SLC39A11: variants seen among roughly 807,000 people sequenced by gnomAD.
SLC39A11 encodes zinc transporter ZIP11.
A neutral mutation model predicts 36.1 loss-of-function variants in SLC39A11; 33 were observed. The ratio of observed to expected loss-of-function variants is 0.91; its 90% confidence interval spans 0.69 to 1.22. SLC39A11 has a LOEUF of 1.22. Ranked by LOEUF, SLC39A11 falls within the 50% of genes most tolerant of loss-of-function variation. The pLI is 0.00. For synonymous variants in SLC39A11, 166 were observed against 170.3 expected, an observed-to-expected ratio of 0.97 and a Z score of 0.20; for missense variants, 432 against 430.3, an observed-to-expected ratio of 1.00 and a Z score of -0.03.
chr17:73,051,450 C>T (rs1357225229), intron 3 of SLC39A11, among the ~76,000 whole-genome samples: 1 of 151,952 alleles, frequency 6.6e-6, no homozygotes, highest in East Asian at 1.9e-4. Flanking sequence ...ATCCAGATGA[C>T]TCAGGTTTGG....
rs73354784 is a variant in SLC39A11 at position 72,808,890 on chromosome 17, A to G, written c.601+40744T>C. Among the ~76,000 whole-genome samples the G allele has an allele frequency of 8.3e-3, 1,262 of 152,250 alleles. 21 individuals are homozygous for G. The highest frequency in any genetic ancestry group is 0.029 in the African/African-American group (1,213 of 41,540). On this transcript the variant is annotated intron_variant, in intron 6 of 9. Transcript: ENST00000255559. ...CATGCATTCCCAAGCCCCCTGCCCA[A>G]CAAATTATCCATAAAAATCCTAGCC...
At chr17:73,032,150 C>G (rs2058757764) in intron 3 of SLC39A11, among the ~76,000 whole-genome samples, 1 of 151,668 alleles carries the variant, frequency 6.6e-6, no homozygotes, top group Non-Finnish European at 1.5e-5. Context: ...ACACCCCTGA[C>G]AACAAAGAAT....
At chr17:72,795,934 G>A (rs905729499) in intron 6 of SLC39A11, among the ~76,000 whole-genome samples, 1 of 152,102 alleles carries the variant, frequency 6.6e-6, no homozygotes, top group African/African-American at 2.4e-5. Context: ...ATAAGCAAAT[G>A]AGCAAATAAC....
chr17:72,752,811 A>G (rs1190114964), intron 6 of SLC39A11, among the ~76,000 whole-genome samples: 1 of 152,090 alleles, frequency 6.6e-6, no homozygotes, highest in African/African-American at 2.4e-5. Context: ...TCTCTCTGGA[A>G]GCTCTCAACA....
chr17:72,737,885 C>CAA (rs2074500318), intron 6 of SLC39A11, among the ~76,000 whole-genome samples: 1 of 152,116 alleles, frequency 6.6e-6, no homozygotes, highest in African/African-American at 2.4e-5. Flanking sequence ...GGGAAAGAGT[C>CAA]TACCCTGCCC....
rs146268863 is a variant in SLC39A11 at position 73,033,156 on chromosome 17, G to A, written c.148-1442C>T. On this transcript the variant is annotated intron_variant, in intron 3 of 9. Transcript: ENST00000255559. ...CACGTTCCTATGAGAATCTAATGTC[G>A]CCACTGGTCTGACAGGAGGCGGAGC... is the stretch of plus-strand genomic sequence containing the variant. 2.9e-3 allele frequency among the ~76,000 whole-genome samples: 444 copies of A among 152,276 alleles called. 3 individuals carry two copies. The highest frequency in any genetic ancestry group is 0.01 in the African/African-American group (421 of 41,578).
At chr17:73,073,603 G>A (rs2060230334) in intron 3 of SLC39A11, 1 of 152,154 alleles carries the variant, frequency 6.6e-6, no homozygotes, top group Non-Finnish European at 1.5e-5. Context: ...ATAGAACCTT[G>A]GAGGCCCTGG....
intron 5 of SLC39A11, among the ~76,000 whole-genome samples, chr17:72,912,537 T>A (rs1224407402): frequency 2.0e-5 from 3 of 148,654 alleles, no homozygotes; most frequent in African/African-American, 7.5e-5. Flanking sequence ...TGGGCTCAAG[T>A]GATTTTCCCA....
intron 7 of SLC39A11, among the ~76,000 whole-genome samples, chr17:72,660,114 C>G: frequency 6.6e-6 from 1 of 152,112 alleles, no homozygotes; most frequent in Non-Finnish European, 1.5e-5. Context: ...CCACTCAAAC[C>G]TCAATGTCTC....
chr17:73,026,874 G>C (rs8074504), intron 4 of SLC39A11, among the ~76,000 whole-genome samples: 2 of 151,888 alleles, frequency 1.3e-5, no homozygotes, highest in African/African-American at 2.4e-5. Context: ...ACACTGAAGA[G>C]GGGGAGGCCA....
chr17:72,723,740 C>T (rs2143643833), intron 7 of SLC39A11, among the ~76,000 whole-genome samples: 1 of 152,314 alleles, frequency 6.6e-6, no homozygotes, highest in East Asian at 1.9e-4. Flanking sequence ...AAGATGGAAC[C>T]TTGTGGGCAA....
chr17:73,075,724 G>A (rs1045011190), intron 3 of SLC39A11, among the ~76,000 whole-genome samples: 6 of 152,228 alleles, frequency 3.9e-5, no homozygotes, highest in African/African-American at 1.4e-4. Flanking sequence ...GTGGTGGTGG[G>A]TGCCTGTAAT....
chr17:73,051,445 G>T (rs1360593716), intron 3 of SLC39A11, among the ~76,000 whole-genome samples: 2 of 152,172 alleles, frequency 1.3e-5, no homozygotes, highest in Middle Eastern at 3.4e-3. Context: ...CAGGAATCCA[G>T]ATGACTCAGG....
intron 4 of SLC39A11, among the ~76,000 whole-genome samples, chr17:72,956,456 G>A (rs569484825): frequency 2.6e-5 from 4 of 152,298 alleles, no homozygotes; most frequent in African/African-American, 7.2e-5. Flanking sequence ...CTACTAGCAC[G>A]GCTGACAGAG....
Position 73,020,205 on chromosome 17 carries a change from A to T in SLC39A11, c.306+11351T>A, listed in dbSNP as rs78966886. On this transcript the variant is annotated intron_variant, in intron 4 of 9. Transcript: ENST00000255559. ...GAATATTTGTGTCCCCTCGAAAAAA[A>T]TTCATTTGTTGGAGCACTAGCCCCA... Among the ~76,000 whole-genome samples, 236 of 152,302 alleles carry T rather than the reference A, an allele frequency of 1.5e-3. 1 individual carries two copies. The highest frequency in any genetic ancestry group is 3.4e-3 in the Middle Eastern group (1 of 294).
chr17:73,058,939 G>A (rs184991229), intron 3 of SLC39A11, among the ~76,000 whole-genome samples: 273 of 151,890 alleles, frequency 1.8e-3, no homozygotes, highest in Non-Finnish European at 2.9e-3. Context: ...TGTTTAGTGA[G>A]CAATTAAATA....
Position 73,074,963 on chromosome 17 carries a change from G to T in SLC39A11, c.147+9845C>A, listed in dbSNP as rs1414628175. Among the ~76,000 whole-genome samples, 5 of 152,144 alleles carry T rather than the reference G, an allele frequency of 3.3e-5. No homozygotes were observed. In the East Asian group the frequency reaches 5.8e-4, roughly 18 times the overall value. On this transcript the variant is annotated intron_variant, in intron 3 of 9. Transcript: ENST00000255559. The stretch of plus-strand genomic sequence containing the variant: ...CTTCTTCCTTGATAGAATATGCACT[G>T]ATACAGAGATTCCTAGTTGGTTCAA...
intron 1 of SLC39A11, 135 bp from the exon 2 acceptor site, chr17:73,088,910 A>G (rs1226720654): frequency 4.6e-6 from 3 of 649,094 alleles, no homozygotes; most frequent in Non-Finnish European, 8.3e-6. Context: ...CCACCACGCC[A>G]TCTGTGTCCC....
intron 4 of SLC39A11, among the ~76,000 whole-genome samples, chr17:73,017,230 GAAGTT>G (rs1422569199): frequency 6.6e-6 from 1 of 152,142 alleles, no homozygotes; most frequent in Non-Finnish European, 1.5e-5. Flanking sequence ...AAAATACTAT[GAAGTT>G]AAGTAAAATA....
Sources: allele counts gnomAD v4.1 joint callset (sites outside exome capture counted in the v4.1 genomes callset), GRCh38; gene constraint gnomAD v4.1.1; transcripts MANE v1.5; gene names NCBI Gene and HGNC (gene_info 2026-07-23, HGNC 2026-07-21).